The following XKRX variants were observed in gnomAD, a reference collection of about 807,000 sequenced individuals.
XKRX encodes the protein XK-related protein 2.
A neutral mutation model predicts 22.4 loss-of-function variants in XKRX; 11 were observed. The observed-to-expected ratio is 0.49, with a 90% confidence interval of 0.31 to 0.81. The LOEUF is 0.81. XKRX is among the 40% of genes least tolerant of loss of function. XKRX has a pLI of 0.05. For synonymous variants in XKRX, 114 were observed against 132.2 expected, an observed-to-expected ratio of 0.86 and a Z score of 0.94; for missense variants, 320 against 336.5, an observed-to-expected ratio of 0.95 and a Z score of 0.38.
At chrX:100,911,804 G>T (rs1168535331), downstream of XKRX, among the ~76,000 whole-genome samples, 1 of 111,552 alleles carries the variant, frequency 9.0e-6, no homozygotes, top group Non-Finnish European at 1.9e-5. Context: ...AGTTCTAAGG[G>T]TTCATTTACA....
In XKRX at chrX:100,922,943, A is replaced by G; in HGVS notation, c.454T>C (p.Trp152Arg). 2 of 1,211,557 alleles carry G rather than the reference A, an allele frequency of 1.7e-6. No individual in the cohort carries two copies. Among genetic ancestry groups the G allele is most frequent in the Non-Finnish European group, 2.2e-6 (2 of 895,472 alleles). ...GTCCGGATGGAGTGGCCCACCTCCC[A>G]TTCTATCAGCACCTCCTCGCCATCT... Reference protein sequence around the residue: ...LIDGEEVLIEWEVGHSIRTLA... With the variant: ...LIDGEEVLIEREVGHSIRTLA... The change falls in exon 2 of 3, where the codon TGG becomes CGG. Residue 152 changes from tryptophan to arginine, a missense_variant. Trp to Arg is a moderately radical substitution (Grantham distance 101). Transcript: ENST00000372956.
chrX:100,890,952 C>T, the XKRX span, among the ~76,000 whole-genome samples: 2 of 111,979 alleles, frequency 1.8e-5, no homozygotes, highest in African/African-American at 6.5e-5. Context: ...AGATTTCCTC[C>T]CCTGAGGTTC....
upstream of XKRX, among the ~76,000 whole-genome samples, chrX:100,931,832 A>C (rs1602419557): frequency 9.0e-6 from 1 of 110,993 alleles, no homozygotes; most frequent in East Asian, 2.8e-4. Flanking sequence ...GCTGGGGCAT[A>C]AACTCCTCTG....
At chrX:100,893,789 C>A in the XKRX span, among the ~76,000 whole-genome samples, 4 of 111,153 alleles carry the variant, frequency 3.6e-5, no homozygotes, top group East Asian at 1.1e-3. Flanking sequence ...AAAGATGGGG[C>A]AAATAGACTC....
intron 1 of XKRX, 62 bp downstream of exon 1, chrX:100,927,908 T>C: frequency 8.9e-7 from 1 of 1,123,750 alleles, no homozygotes. Flanking sequence ...ATCTTTCATC[T>C]TTCTCTGCCC....
chrX:100,897,283 CA>C, the XKRX span, among the ~76,000 whole-genome samples: 1 of 111,011 alleles, frequency 9.0e-6, no homozygotes, highest in Non-Finnish European at 1.9e-5. Flanking sequence ...ATATTTTTCA[CA>C]TTTAAAAATA....
chrX:100,912,672 T>G (rs1328316116), downstream of XKRX, among the ~76,000 whole-genome samples: 1 of 111,714 alleles, frequency 9.0e-6, no homozygotes, highest in Non-Finnish European at 1.9e-5. Context: ...TCCTGGTCTG[T>G]GAGGGGCAAG....
At chrX:100,957,386 T>G in the XKRX span, 1 of 1,207,445 alleles carries the variant, frequency 8.3e-7, no homozygotes, top group Non-Finnish European at 1.1e-6. Flanking sequence ...GCTGTGCTGA[T>G]GAGCTGACCC....
upstream of XKRX, among the ~76,000 whole-genome samples, chrX:100,933,887 G>A (rs2085528317): frequency 1.8e-5 from 2 of 111,309 alleles, no homozygotes; most frequent in Non-Finnish European, 1.9e-5. Context: ...TCTTTATTTG[G>A]AAATAACTCA....
At chrX:100,889,213 C>A in the XKRX span, among the ~76,000 whole-genome samples, 1 of 98,868 alleles carries the variant, frequency 1.0e-5, no homozygotes, top group African/African-American at 3.8e-5. Context: ...GCACTACAGC[C>A]TGGGTGACAG....
At chrX:100,910,822 A>C (rs2085404541), downstream of XKRX, 1 of 787,606 alleles carries the variant, frequency 1.3e-6, no homozygotes, top group Admixed American at 2.3e-5. Context: ...CGTTCAAAGA[A>C]GGCAAAGAAA....
chrX:100,937,287 G>A, the XKRX span, among the ~76,000 whole-genome samples: 19 of 111,284 alleles, frequency 1.7e-4, no homozygotes, highest in Non-Finnish European at 2.5e-4. Context: ...CACCGCGCCC[G>A]GCCACCTAAA....
intron 2 of XKRX, among the ~76,000 whole-genome samples, chrX:100,918,314 G>A (rs1422508267): frequency 2.7e-5 from 3 of 111,944 alleles, no homozygotes; most frequent in African/African-American, 9.7e-5. Context: ...GACTCTTGAA[G>A]TGGTGACTCT....
At chrX:100,905,697 T>C in the XKRX span, among the ~76,000 whole-genome samples, 1 of 112,147 alleles carries the variant, frequency 8.9e-6, no homozygotes, top group African/African-American at 3.2e-5. Flanking sequence ...CAAATAAACA[T>C]AAGTTTCATA....
Position 100,928,235 on chromosome X carries a change from T to C in XKRX, c.70A>G (p.Ile24Val). 3 of 1,212,035 alleles carry C rather than the reference T, an allele frequency of 2.5e-6. No individual in the cohort carries two copies. Among genetic ancestry groups the C allele is most frequent in the Admixed American group, 4.3e-5 (2 of 46,067 alleles). Reference sequence around the variant, plus strand: ...GTAAATCGGGGGTTGGCTCCACGGATGACATCTTCCTCCAGAGATGAAACC... The same window carrying C: ...GTAAATCGGGGGTTGGCTCCACGGACGACATCTTCCTCCAGAGATGAAACC... Reference protein sequence around the residue: ...DPVSSLEEDVIRGANPRFTFP... With the variant: ...DPVSSLEEDVVRGANPRFTFP... Residue 24 changes from isoleucine (I) to valine (V), a missense_variant, in exon 1 of 3, where the codon ATC becomes GTC. Physicochemically the swap from Ile to Val is conservative, Grantham distance 29 (BLOSUM62 3). Transcript: ENST00000372956.
the XKRX span, among the ~76,000 whole-genome samples, chrX:100,893,112 T>C: frequency 2.7e-5 from 3 of 111,975 alleles, no homozygotes; most frequent in African/African-American, 6.5e-5. Flanking sequence ...CACTTATGTG[T>C]AGAATCTTGA....
At chrX:100,940,873 T>C in the XKRX span, among the ~76,000 whole-genome samples, 2 of 111,839 alleles carry the variant, frequency 1.8e-5, no homozygotes, top group Non-Finnish European at 3.8e-5. Flanking sequence ...TGCTCTATTT[T>C]AGAATAGTCA....
the XKRX span, among the ~76,000 whole-genome samples, chrX:100,908,254 G>A: frequency 1.8e-5 from 2 of 109,682 alleles, no homozygotes; most frequent in South Asian, 4.0e-4. Context: ...GTAGCTGTGA[G>A]TACAGGTGCG....
In XKRX at chrX:100,928,228, C is replaced by G. The variant is rs1185608110; in HGVS notation, c.77G>C (p.Gly26Ala). 2.5e-6 allele frequency: 3 copies of G among 1,209,903 alleles called. No individual in the cohort carries two copies. In the African/African-American group the frequency reaches 5.3e-5, roughly 21 times the overall value. The stretch of plus-strand genomic sequence containing the variant: ...TGGAAAAGTAAATCGGGGGTTGGCT[C>G]CACGGATGACATCTTCCTCCAGAGA... ...VSSLEEDVIR[G>A]ANPRFTFPFS... The change falls in exon 1 of 3, where the codon GGA becomes GCA. Residue 26 changes from glycine to alanine, a missense_variant. Coordinates refer to ENST00000372956, the MANE Select transcript of XKRX (RefSeq NM_212559.3).
Sources: allele counts gnomAD v4.1 joint callset (sites outside exome capture counted in the v4.1 genomes callset), GRCh38; gene constraint gnomAD v4.1.1; transcripts MANE v1.5; gene names NCBI Gene and HGNC (gene_info 2026-07-23, HGNC 2026-07-21).